The following MARK1 variants were observed in gnomAD, a reference collection of about 807,000 sequenced individuals.
The protein encoded by MARK1 is serine/threonine-protein kinase MARK1.
In MARK1, 40 loss-of-function variants were observed where a neutral mutation model predicts 96.3. The ratio of observed to expected loss-of-function variants is 0.42; its 90% confidence interval spans 0.32 to 0.54. The LOEUF (loss-of-function observed/expected upper bound fraction) is 0.54, where lower values mean the gene tolerates loss of function less well. Ranked by LOEUF, MARK1 falls within the 20% of genes least tolerant of loss-of-function variation. The probability of loss-of-function intolerance (pLI) is 0.16; values close to 1 mark genes in which losing one functional copy is unlikely to be tolerated. For missense variants in MARK1, 719 were observed against 984.6 expected (o/e 0.73, Z 3.61); for synonymous variants, 317 against 341.2 (o/e 0.93, Z 0.78).
chr1:220,534,503 C>CT (rs1355923844), intron 1 of MARK1, among the ~76,000 whole-genome samples: 1 of 152,034 alleles, frequency 6.6e-6, no homozygotes, highest in Non-Finnish European at 1.5e-5. Context: ...CATGAGATCG[C>CT]TTTTTTAACT....
intron 1 of MARK1, among the ~76,000 whole-genome samples, chr1:220,538,745 C>G (rs1466560238): frequency 6.6e-6 from 1 of 152,048 alleles, no homozygotes; most frequent in Admixed American, 6.6e-5. Flanking sequence ...CTTTTATTTC[C>G]TTGAGCAGTG....
chr1:220,639,087 T>A lies in MARK1; in HGVS notation c.1470+3061T>A, dbSNP rs1668129332. ...AGTGCAACTTGATTTCTACAAAATA[T>A]TTTAAAATTAGCCTGGTGTAGTTCC... is the stretch of plus-strand genomic sequence containing the variant. On this transcript the variant is annotated intron_variant, in intron 13 of 17. Coordinates refer to ENST00000366917, the MANE Select transcript of MARK1 (RefSeq NM_018650.5). Among the ~76,000 whole-genome samples the A allele has an allele frequency of 2.0e-5, 3 of 151,934 alleles. No individual in the cohort carries two copies. In the South Asian group the frequency reaches 6.2e-4, roughly 32 times the overall value.
chr1:220,537,906 T>C (rs1423100306), intron 1 of MARK1, among the ~76,000 whole-genome samples: 13 of 151,774 alleles, frequency 8.6e-5, no homozygotes, highest in Non-Finnish European at 1.6e-4. Flanking sequence ...TGTCTGTTCA[T>C]GTCCTTTGCC....
intron 3 of MARK1, among the ~76,000 whole-genome samples, chr1:220,594,569 T>C (rs1665203555): frequency 6.6e-6 from 1 of 152,180 alleles, no homozygotes; most frequent in African/African-American, 2.4e-5. Flanking sequence ...AACTTGCACA[T>C]GGATGTTTAT....
chr1:220,605,424 G>A (rs1340761626), intron 6 of MARK1, among the ~76,000 whole-genome samples: 3 of 151,798 alleles, frequency 2.0e-5, no homozygotes, highest in Non-Finnish European at 4.4e-5. Context: ...ATCCTGGGAT[G>A]GAAGTTCAAG....
intron 1 of MARK1, among the ~76,000 whole-genome samples, chr1:220,534,379 G>A (rs1388805711): frequency 6.6e-6 from 1 of 152,050 alleles, no homozygotes; most frequent in Non-Finnish European, 1.5e-5. Context: ...TATTGAACAC[G>A]AGGTCTTTTT....
At chr1:220,628,916 T>TA (rs202116431) in intron 9 of MARK1, among the ~76,000 whole-genome samples, 14,796 of 139,920 alleles carry the variant, frequency 0.11, 2,315 homozygotes, top group African/African-American at 0.35. Flanking sequence ...ACCCTGTCTT[T>TA]AAAAAAAAAA....
intron 11 of MARK1, among the ~76,000 whole-genome samples, chr1:220,633,137 C>T (rs1020400714): frequency 6.6e-6 from 1 of 152,072 alleles, no homozygotes; most frequent in East Asian, 1.9e-4. Context: ...CTTGTTACCA[C>T]GAGGGCAGCA....
intron 3 of MARK1, among the ~76,000 whole-genome samples, chr1:220,585,970 A>T (rs142878582): frequency 7.0e-6 from 1 of 143,198 alleles, no homozygotes; most frequent in African/African-American, 2.6e-5. Flanking sequence ...AACTGCATCC[A>T]CTTTACATAC....
intron 15 of MARK1, among the ~76,000 whole-genome samples, chr1:220,652,725 G>A (rs944193190): frequency 6.6e-6 from 1 of 152,028 alleles, no homozygotes; most frequent in Non-Finnish European, 1.5e-5. Flanking sequence ...CATCACTGAG[G>A]CCTAAATTAG....
At chr1:220,604,955 A>G (rs1400800306) in intron 6 of MARK1, among the ~76,000 whole-genome samples, 2 of 152,130 alleles carry the variant, frequency 1.3e-5, no homozygotes, top group Admixed American at 1.3e-4. Flanking sequence ...TAGAATTTTA[A>G]AAATGGCTCG....
rs542095518 is a variant in MARK1, at chr1:220,532,294, G to A, written c.51+3421G>A. 2.6e-5 allele frequency among the ~76,000 whole-genome samples: 4 copies of A among 152,264 alleles called. No homozygotes were observed. The South Asian group carries it at 8.3e-4, about 32-fold the overall frequency. On this transcript the variant is annotated intron_variant, in intron 1 of 17. Coordinates refer to ENST00000366917, the MANE Select transcript of MARK1 (RefSeq NM_018650.5). Reference sequence around the variant, plus strand: ...TTGTCTTTTGAGAATCATTGTTAATGGCATGAAGAAGCGAGAGGAAAGCAT... The same window carrying A: ...TTGTCTTTTGAGAATCATTGTTAATAGCATGAAGAAGCGAGAGGAAAGCAT...
rs1279183226 is a variant in MARK1, at chr1:220,626,308, T to C, written c.910-4727T>C. 5.5e-6 allele frequency: 3 copies of C among 544,746 alleles called. No homozygotes were observed. The African/African-American group carries it at 5.7e-5, about 10-fold the overall frequency. 33.7% of individuals were successfully genotyped at this position (544,746 alleles called of 1,614,324 possible). A position where few individuals can be genotyped will look rare whatever the true frequency, so the allele number is the denominator to read the frequency against. On this transcript the variant is annotated intron_variant, in intron 9 of 17. Coordinates refer to ENST00000366917, the MANE Select transcript of MARK1 (RefSeq NM_018650.5). The stretch of plus-strand genomic sequence containing the variant: ...GGAAGAGGCCTTCTATACCACAGAC[T>C]GGGTCATGACTATGTCTTCTCCTAA...
chr1:220,529,015 A>G, intron 1 of MARK1, 142 bp downstream of exon 1: 2 of 747,356 alleles, frequency 2.7e-6, no homozygotes, highest in Non-Finnish European at 2.2e-6. Context: ...CGTGACCCTC[A>G]CCCACTGCTC....
intron 9 of MARK1, among the ~76,000 whole-genome samples, chr1:220,630,642 A>AT (rs1270927221): frequency 4.6e-5 from 7 of 152,162 alleles, no homozygotes; most frequent in Non-Finnish European, 1.0e-4. Flanking sequence ...GTAAATGATG[A>AT]TTTTAAAATA....
At chr1:220,609,280 G>T (rs1314747140) in intron 6 of MARK1, among the ~76,000 whole-genome samples, 2 of 152,168 alleles carry the variant, frequency 1.3e-5, no homozygotes, top group Admixed American at 6.5e-5. Context: ...AGCTCTTCTT[G>T]TTGAATTGAT....
intron 1 of MARK1, among the ~76,000 whole-genome samples, chr1:220,578,454 T>G (rs1338817505): frequency 6.6e-6 from 1 of 152,180 alleles, no homozygotes; most frequent in African/African-American, 2.4e-5. Context: ...AGAACAGCAC[T>G]GATGCAATGG....
At chr1:220,601,316 A>G (rs1256088813) in intron 5 of MARK1, among the ~76,000 whole-genome samples, 1 of 149,076 alleles carries the variant, frequency 6.7e-6, no homozygotes, top group Non-Finnish European at 1.5e-5. Context: ...TTTTTTTGCA[A>G]AACTTTTGTC....
At chr1:220,595,058 GGT>G (rs1031804147) in intron 3 of MARK1, among the ~76,000 whole-genome samples, 3 of 152,164 alleles carry the variant, frequency 2.0e-5, no homozygotes, top group African/African-American at 7.2e-5. Flanking sequence ...GTACCTCTCT[GGT>G]TTGGGATGTT....
Sources: allele counts gnomAD v4.1 joint callset (sites outside exome capture counted in the v4.1 genomes callset), GRCh38; gene constraint gnomAD v4.1.1; transcripts MANE v1.5; gene names NCBI Gene and HGNC (gene_info 2026-07-23, HGNC 2026-07-21).